Variants in XYLT1 observed in about 807,000 individuals in gnomAD.
XYLT1 encodes the protein xylosyltransferase 1, also known as beta-D-xylosyltransferase 1.
Under a neutral mutation model 91.3 loss-of-function variants are expected in XYLT1, and 36 were observed. The ratio of observed to expected loss-of-function variants is 0.39; its 90% confidence interval spans 0.30 to 0.52. XYLT1 has a LOEUF of 0.52. Among genes scored for constraint, XYLT1 ranks in the 20% least tolerant of loss-of-function variants. The probability of loss-of-function intolerance (pLI) is 0.68; values close to 1 mark genes in which losing one functional copy is unlikely to be tolerated. For missense variants in XYLT1, 1,242 were observed against 1,284.5 expected, an observed-to-expected ratio of 0.97 and a Z score of 0.51; for synonymous variants, 588 against 532.0, an observed-to-expected ratio of 1.11 and a Z score of -1.45.
intron 1 of XYLT1, among the ~76,000 whole-genome samples, chr16:17,430,843 T>C (rs1041885066): frequency 2.0e-5 from 3 of 152,304 alleles, no homozygotes; most frequent in Middle Eastern, 3.4e-3. Flanking sequence ...CTTCTTTTAA[T>C]TTTCATTATC....
At chr16:17,208,340 TAA>T (rs534458681) in intron 3 of XYLT1, among the ~76,000 whole-genome samples, 1 of 143,036 alleles carries the variant, frequency 7.0e-6, no homozygotes, top group Non-Finnish European at 1.5e-5. Context: ...CACTTCTCTT[TAA>T]AAAAAAAAAA....
chr16:17,328,548 CAAAAA>C (rs71373105), intron 2 of XYLT1, among the ~76,000 whole-genome samples: 13 of 51,256 alleles, frequency 2.5e-4, no homozygotes, highest in East Asian at 1.4e-3. Context: ...GACTCCTTCT[CAAAAA>C]AAAAAAAAAA....
intron 2 of XYLT1, among the ~76,000 whole-genome samples, chr16:17,298,460 C>A (rs1241116217): frequency 2.6e-5 from 4 of 152,178 alleles, no homozygotes; most frequent in African/African-American, 9.7e-5. Context: ...GTCATTTATA[C>A]CACACTGCTA....
At chr16:17,295,332 TTTTTGTTTTG>T (rs1555495172) in intron 2 of XYLT1, among the ~76,000 whole-genome samples, 46 of 115,888 alleles carry the variant, frequency 4.0e-4, no homozygotes, top group East Asian at 4.4e-4. Context: ...TAGAGCCAGG[TTTTTGTTTTG>T]TTTTGTTTTG....
chr16:17,221,252 C>T lies in XYLT1; in HGVS notation c.914-20598G>A, dbSNP rs111447175. Among the ~76,000 whole-genome samples, 1,356 of 152,292 alleles carry T rather than the reference C, an allele frequency of 8.9e-3. 17 individuals are homozygous for T. Among genetic ancestry groups the T allele is most frequent in the African/African-American group, 0.03 (1,257 of 41,554 alleles). On this transcript the variant is annotated intron_variant, in intron 3 of 11. Transcript: ENST00000261381. ...AAAAAACAGGTCTCTACTAAAAATG[C>T]TAACCCCAGAAACAATGCATACACA...
At chr16:17,333,259 A>T (rs1374556076) in intron 2 of XYLT1, among the ~76,000 whole-genome samples, 1 of 152,246 alleles carries the variant, frequency 6.6e-6, no homozygotes, top group Non-Finnish European at 1.5e-5. Flanking sequence ...ATTTGATTTA[A>T]CCAAATACAT....
intron 3 of XYLT1, among the ~76,000 whole-genome samples, chr16:17,217,250 C>A (rs1331684053): frequency 6.6e-6 from 1 of 152,108 alleles, no homozygotes; most frequent in Non-Finnish European, 1.5e-5. Context: ...CCAAGGAGGA[C>A]CTCGTTTCGA....
At position 17,259,032 on chromosome 16, in the gene XYLT1, C is replaced by T; in HGVS notation, c.869G>A (p.Gly290Glu). The change falls in exon 3 of 12, where the codon GGG becomes GAG. Residue 290 changes from glycine to glutamate, a missense_variant. Physicochemically the swap from Gly to Glu is moderately conservative, Grantham distance 98. Transcript: ENST00000261381. ...AGTCACCTTCTCAGGCATCAGCAGC[C>T]CTAACTTGTGGCGGCAGTAAGTCTC... ...IGETYCRHKL[G>E]LLMPEKVTRF... 6.6e-7 allele frequency: 1 copy of T among 1,514,696 alleles called. No individual in the cohort carries two copies. 93.8% of individuals were successfully genotyped at this position (1,514,696 alleles called of 1,614,324 possible).
At chr16:17,388,851 G>A (rs957406524) in intron 1 of XYLT1, among the ~76,000 whole-genome samples, 1 of 152,174 alleles carries the variant, frequency 6.6e-6, no homozygotes, top group South Asian at 2.1e-4. Flanking sequence ...GCTGGCTCAC[G>A]CTCAGTGTGG....
chr16:17,262,764 A>C (rs2033742206), intron 2 of XYLT1, among the ~76,000 whole-genome samples: 1 of 152,132 alleles, frequency 6.6e-6, no homozygotes, highest in African/African-American at 2.4e-5. Flanking sequence ...TGTGGAGTAG[A>C]GACTCTACCA....
chr16:17,199,754 G>A (rs1374906729), intron 4 of XYLT1, among the ~76,000 whole-genome samples: 2 of 152,130 alleles, frequency 1.3e-5, no homozygotes, highest in African/African-American at 2.4e-5. Context: ...CCAGGATTGT[G>A]AGGCTTCCCC....
intron 2 of XYLT1, among the ~76,000 whole-genome samples, chr16:17,323,345 C>A (rs572629366): frequency 1.3e-3 from 193 of 152,296 alleles, no homozygotes; most frequent in Admixed American, 3.8e-3. Context: ...AAGAACAATG[C>A]GGTTTTTGGC....
At chr16:17,147,047 T>A (rs1416503958) in intron 6 of XYLT1, among the ~76,000 whole-genome samples, 1 of 152,138 alleles carries the variant, frequency 6.6e-6, no homozygotes, top group South Asian at 2.1e-4. Flanking sequence ...TGAAGTTAAA[T>A]CCCTATAGGG....
intron 1 of XYLT1, among the ~76,000 whole-genome samples, chr16:17,369,025 T>C (rs1450696834): frequency 2.6e-5 from 4 of 151,682 alleles, no homozygotes; most frequent in Non-Finnish European, 5.9e-5. Flanking sequence ...GCCAGGCCCA[T>C]TTAACCTTAA....
chr16:17,125,321 T>C (rs991494231), intron 10 of XYLT1, among the ~76,000 whole-genome samples: 5 of 152,186 alleles, frequency 3.3e-5, no homozygotes, highest in African/African-American at 9.7e-5. Context: ...TCCATCCGAG[T>C]GGAAGCTGCA....
At chr16:17,138,042 T>C (rs1597145685) in intron 8 of XYLT1, among the ~76,000 whole-genome samples, 1 of 118,540 alleles carries the variant, frequency 8.4e-6, no homozygotes, top group Admixed American at 8.1e-5. Flanking sequence ...AAAGAGAAGA[T>C]GATATGAGTA....
chr16:17,284,199 G>A (rs985091008), intron 2 of XYLT1, among the ~76,000 whole-genome samples: 13 of 152,216 alleles, frequency 8.5e-5, no homozygotes, highest in African/African-American at 3.1e-4. Flanking sequence ...AGAAATGCAG[G>A]TTAAGTGTTC....
At chr16:17,374,569 A>G (rs974375464) in intron 1 of XYLT1, among the ~76,000 whole-genome samples, 1 of 151,900 alleles carries the variant, frequency 6.6e-6, no homozygotes, top group Non-Finnish European at 1.5e-5. Flanking sequence ...TATAACCCAC[A>G]CGGTCTAAGA....
intron 1 of XYLT1, among the ~76,000 whole-genome samples, chr16:17,456,333 T>G: frequency 1.3e-5 from 1 of 76,942 alleles, no homozygotes; most frequent in African/African-American, 1.2e-4. Flanking sequence ...AGTACAAACC[T>G]TTTTTTTTTT....
Sources: allele counts gnomAD v4.1 joint callset (sites outside exome capture counted in the v4.1 genomes callset), GRCh38; gene constraint gnomAD v4.1.1; transcripts MANE v1.5; gene names NCBI Gene and HGNC (gene_info 2026-07-23, HGNC 2026-07-21).